CCDC57: variants seen among roughly 807,000 people sequenced by gnomAD.
CCDC57 encodes the protein coiled-coil domain containing 57.
Under a neutral mutation model 118.9 loss-of-function variants are expected in CCDC57, and 118 were observed. The ratio of observed to expected loss-of-function variants is 0.99; its 90% CI spans 0.86 to 1.16. The LOEUF (loss-of-function observed/expected upper bound fraction) is 1.16, where lower values mean the gene tolerates loss of function less well. Ranked by LOEUF, CCDC57 falls within the 50% of genes most tolerant of loss-of-function variation. The pLI, the probability that CCDC57 is intolerant of heterozygous loss-of-function variation, is 0.00. For missense variants in CCDC57, 1,300 were observed against 1,320.7 expected, an observed-to-expected ratio of 0.98 and a Z score of 0.24; for synonymous variants, 527 against 532.9, an observed-to-expected ratio of 0.99 and a Z score of 0.15.
chr17:82,206,719 G>A (rs752748338), intron 2 of CCDC57, among the ~76,000 whole-genome samples: 1 of 152,210 alleles, frequency 6.6e-6, no homozygotes, highest in Non-Finnish European at 1.5e-5. Flanking sequence ...CAAAGAGGGG[G>A]CTGTGGGAAC....
intron 16 of CCDC57, among the ~76,000 whole-genome samples, chr17:82,136,596 A>AG (rs34722586): frequency 0.44 from 65,552 of 147,742 alleles, 15,386 homozygotes; most frequent in East Asian, 0.87. Context: ...AAAAAAAAAA[A>AG]AAAGAAAACT....
exon 20 of CCDC57, chr17:82,101,663 G>A (rs1226376673): frequency 6.4e-6 from 10 of 1,571,026 alleles, no homozygotes; most frequent in Non-Finnish European, 6.1e-6. Context: ...CCTTAGTGGG[G>A]CGGGGTGGGG....
chr17:82,198,873 G>A (rs1261571738), intron 3 of CCDC57, among the ~76,000 whole-genome samples: 2 of 151,464 alleles, frequency 1.3e-5, no homozygotes, highest in Non-Finnish European at 2.9e-5. Context: ...GGCGCCTGTA[G>A]TCCCAGCTAC....
chr17:82,108,542 G>A (rs1473537598), intron 19 of CCDC57, among the ~76,000 whole-genome samples: 1 of 152,108 alleles, frequency 6.6e-6, no homozygotes, highest in African/African-American at 2.4e-5. Flanking sequence ...AAATACACAG[G>A]GTAGTGCATG....
intron 16 of CCDC57, among the ~76,000 whole-genome samples, chr17:82,150,918 C>T (rs373781758): frequency 7.2e-4 from 50 of 69,408 alleles, no homozygotes; most frequent in East Asian, 2.1e-3. Flanking sequence ...GACCCGCACC[C>T]AGAACCAGGC....
chr17:82,179,683 C>T (rs1333905475), intron 9 of CCDC57, among the ~76,000 whole-genome samples: 4 of 151,970 alleles, frequency 2.6e-5, no homozygotes, highest in South Asian at 2.1e-4. Flanking sequence ...GGGGTGGGAA[C>T]GCAGGAACCC....
intron 9 of CCDC57, among the ~76,000 whole-genome samples, chr17:82,182,011 T>C (rs566784304): frequency 6.6e-6 from 1 of 151,996 alleles, no homozygotes; most frequent in South Asian, 2.1e-4. Flanking sequence ...CCAGCTACTC[T>C]AGAGGCTGAC....
intron 19 of CCDC57, among the ~76,000 whole-genome samples, chr17:82,126,003 A>C (rs1012934986): frequency 6.6e-6 from 1 of 152,302 alleles, no homozygotes; most frequent in South Asian, 2.1e-4. Context: ...GGTTCTGGCC[A>C]GGCACGGTGG....
At chr17:82,185,821 T>C (rs1225480557) in intron 8 of CCDC57, among the ~76,000 whole-genome samples, 1 of 151,540 alleles carries the variant, frequency 6.6e-6, no homozygotes, top group Non-Finnish European at 1.5e-5. Context: ...TTTGAGACCA[T>C]CCTGGGCAAC....
At chr17:82,101,706 G>C (rs763157293) in exon 20 of CCDC57, 2 of 1,608,284 alleles carry the variant, frequency 1.2e-6, no homozygotes, top group Non-Finnish European at 1.7e-6. Flanking sequence ...TGTAGTTACG[G>C]ATCTTGGGGG....
intron 13 of CCDC57, among the ~76,000 whole-genome samples, chr17:82,168,546 C>T (rs1002633067): frequency 6.6e-6 from 1 of 151,986 alleles, no homozygotes; most frequent in Non-Finnish European, 1.5e-5. Context: ...TGCAGTGAGC[C>T]GAGATTGTGC....
Position 82,193,960 on chromosome 17 carries a change from G to A in CCDC57, c.776+22C>T, listed in dbSNP as rs757779610. 2.6e-5 allele frequency: 41 copies of A among 1,599,186 alleles called. No homozygotes were observed. In the East Asian group the frequency reaches 2.9e-4, roughly 11 times the overall value. ...GCGAGGCTGCCACAGAGCACGCCTC[G>A]GGAGATGAAGGACTCGCGCACCGGG... On this transcript the variant is annotated intron_variant, in intron 6 of 19. Transcript: ENST00000665763.
intron 19 of CCDC57, among the ~76,000 whole-genome samples, chr17:82,123,628 A>G (rs2037033333): frequency 6.6e-6 from 1 of 152,184 alleles, no homozygotes; most frequent in African/African-American, 2.4e-5. Flanking sequence ...TAGTTTAAGA[A>G]CTAATATTTC....
At chr17:82,158,230 C>T (rs117700542) in intron 14 of CCDC57, among the ~76,000 whole-genome samples, 33 of 152,316 alleles carry the variant, frequency 2.2e-4, no homozygotes, top group Non-Finnish European at 3.5e-4. Context: ...CAGAGCGCCT[C>T]GAAACCCCTT....
intron 19 of CCDC57, among the ~76,000 whole-genome samples, chr17:82,124,809 A>G (rs1234519196): frequency 6.6e-6 from 1 of 152,112 alleles, no homozygotes; most frequent in Non-Finnish European, 1.5e-5. Flanking sequence ...AAAGAGAAAA[A>G]GAAAAAAAAA....
chr17:82,146,271 G>A (rs897964860), intron 16 of CCDC57, among the ~76,000 whole-genome samples: 30 of 152,322 alleles, frequency 2.0e-4, no homozygotes, highest in African/African-American at 7.0e-4. Flanking sequence ...AATGATTGCA[G>A]CCACATCATT....
intron 9 of CCDC57, among the ~76,000 whole-genome samples, chr17:82,180,779 A>G (rs1410096885): frequency 6.6e-6 from 1 of 152,234 alleles, no homozygotes; most frequent in Non-Finnish European, 1.5e-5. Context: ...CCAGCCCCAC[A>G]GATACATTTT....
intron 9 of CCDC57, among the ~76,000 whole-genome samples, chr17:82,179,425 G>A (rs2045929629): frequency 6.6e-6 from 1 of 152,192 alleles, no homozygotes; most frequent in Non-Finnish European, 1.5e-5. Flanking sequence ...CATGGATGAG[G>A]GTGATGCCCA....
chr17:82,128,792 A>G (rs1387637805), intron 17 of CCDC57, among the ~76,000 whole-genome samples, 195 bp from the exon 17 acceptor site: 1 of 152,170 alleles, frequency 6.6e-6, no homozygotes, highest in Non-Finnish European at 1.5e-5. Context: ...TTCCCCAGTC[A>G]TTCATTCCCA....
Sources: allele counts gnomAD v4.1 joint callset (sites outside exome capture counted in the v4.1 genomes callset), GRCh38; gene constraint gnomAD v4.1.1; transcripts MANE v1.5; gene names NCBI Gene and HGNC (gene_info 2026-07-23, HGNC 2026-07-21).